PRPSAP1: variants seen among roughly 807,000 people sequenced by gnomAD.
PRPSAP1 encodes the protein phosphoribosyl pyrophosphate synthase-associated protein 1.
PRPSAP1 carries 31 observed loss-of-function variants against 39.4 expected under a neutral mutation model. The ratio of observed to expected loss-of-function variants is 0.79; its 90% CI spans 0.59 to 1.06. PRPSAP1 has a LOEUF of 1.06. PRPSAP1 is among the 50% of genes least tolerant of loss of function. PRPSAP1 has a pLI of 0.00. For missense variants in PRPSAP1, 430 were observed against 511.6 expected (o/e 0.84, Z 1.54); for synonymous variants, 212 against 192.6 (o/e 1.10, Z -0.83).
chr17:76,327,217 G>A (rs535787629), intron 7 of PRPSAP1, among the ~76,000 whole-genome samples: 1 of 152,050 alleles, frequency 6.6e-6, no homozygotes, highest in Non-Finnish European at 1.5e-5. Flanking sequence ...GTGTGGTGGT[G>A]TGTGCCTGAA....
intron 7 of PRPSAP1, among the ~76,000 whole-genome samples, chr17:76,318,692 TAAAG>T (rs1020727614): frequency 4.6e-5 from 7 of 152,010 alleles, no homozygotes; most frequent in Non-Finnish European, 1.0e-4. Flanking sequence ...CTAAGCCTAT[TAAAG>T]AGAGTCACAG....
At chr17:76,349,724 G>A (rs1173079084) in intron 1 of PRPSAP1, among the ~76,000 whole-genome samples, 6 of 151,770 alleles carry the variant, frequency 4.0e-5, no homozygotes, top group Admixed American at 6.6e-5. Flanking sequence ...TCACACCATC[G>A]CACTCCAGCC....
At chr17:76,339,027 C>T (rs776335099) in intron 3 of PRPSAP1, among the ~76,000 whole-genome samples, 65 of 150,950 alleles carry the variant, frequency 4.3e-4, no homozygotes, top group African/African-American at 1.5e-3. Context: ...GAAAGAAACT[C>T]GTCTCAAAAA....
intron 7 of PRPSAP1, among the ~76,000 whole-genome samples, chr17:76,315,679 G>A (rs771931476): frequency 1.5e-4 from 20 of 136,380 alleles, no homozygotes; most frequent in Non-Finnish European, 2.5e-4. Flanking sequence ...ATGTAAACAC[G>A]CAGTTATGTT....
intron 7 of PRPSAP1, among the ~76,000 whole-genome samples, chr17:76,324,905 C>CAA (rs775094160): frequency 3.1e-5 from 4 of 130,588 alleles, no homozygotes; most frequent in Non-Finnish European, 3.3e-5. Context: ...ACTAAAAATA[C>CAA]AAAAAAAAAA....
intron 1 of PRPSAP1, among the ~76,000 whole-genome samples, chr17:76,349,245 G>T (rs902787911): frequency 1.1e-4 from 17 of 151,458 alleles, no homozygotes; most frequent in Non-Finnish European, 2.4e-4. Flanking sequence ...CGGAGGTTGT[G>T]GTGAGCCGAG....
At chr17:76,330,286 A>C (rs1186703230) in intron 5 of PRPSAP1, 188 bp from the exon 6 acceptor site, 10 of 593,904 alleles carry the variant, frequency 1.7e-5, no homozygotes, top group Non-Finnish European at 2.9e-5. Context: ...TCCTACGTCA[A>C]GAATTTTTTA....
At chr17:76,334,533 A>G (rs58840406) in intron 3 of PRPSAP1, among the ~76,000 whole-genome samples, 460 of 152,230 alleles carry the variant, frequency 3.0e-3, no homozygotes, top group African/African-American at 0.01. Flanking sequence ...TTATTCTGAC[A>G]ATGTTTTCCA....
chr17:76,345,998 C>T, intron 2 of PRPSAP1: 2 of 469,732 alleles, frequency 4.3e-6, no homozygotes, highest in Admixed American at 2.4e-5. Context: ...AGAGAAGGTA[C>T]CCAAGGGAAA....
intron 3 of PRPSAP1, among the ~76,000 whole-genome samples, chr17:76,337,769 T>C (rs1445966827): frequency 6.6e-6 from 1 of 152,036 alleles, no homozygotes; most frequent in Non-Finnish European, 1.5e-5. Context: ...CCATGCCTGG[T>C]TAATTTTTTG....
chr17:76,335,744 T>C (rs922093653), intron 3 of PRPSAP1, among the ~76,000 whole-genome samples: 2 of 152,186 alleles, frequency 1.3e-5, no homozygotes, highest in Non-Finnish European at 2.9e-5. Context: ...CCCAGCACTT[T>C]GAGAGGCCAA....
In PRPSAP1 at chr17:76,353,852, C is replaced by G; in HGVS notation, c.-149G>C. ...CCGAGGTCCGTGCCCTTGCGCACCC[C>G]ACACCACTGACTACAGCGGCCGAGC... On this transcript the variant is annotated 5_prime_UTR_variant, in exon 1 of 10. Transcript: ENST00000446526. 1 of 1,366,062 alleles carries G rather than the reference C, an allele frequency of 7.3e-7. No homozygotes were observed. The highest frequency in any genetic ancestry group is 1.7e-5 in the South Asian group (1 of 58,418). 84.6% of individuals were successfully genotyped at this position (1,366,062 alleles called of 1,614,324 possible).
At chr17:76,322,896 A>AG (rs2071212633) in intron 7 of PRPSAP1, among the ~76,000 whole-genome samples, 1 of 151,960 alleles carries the variant, frequency 6.6e-6, no homozygotes, top group African/African-American at 2.4e-5. Flanking sequence ...CAGGAGGCTG[A>AG]GGTGGGAGGA....
At chr17:76,330,184 A>G in intron 5 of PRPSAP1, 86 bp from the exon 6 acceptor site, 1 of 1,246,280 alleles carries the variant, frequency 8.0e-7, no homozygotes, top group Non-Finnish European at 1.2e-6. Flanking sequence ...CCCTCTTATA[A>G]TGATCCAAAC....
In PRPSAP1 at chr17:76,311,319, G is replaced by A. The variant is rs184269458; in HGVS notation, c.*223C>T. On this transcript the variant is annotated 3_prime_UTR_variant, in exon 10 of 10. Coordinates refer to ENST00000446526, the MANE Select transcript of PRPSAP1 (RefSeq NM_002766.3). Reference sequence around the variant, plus strand: ...AGCAGCTAGAACTTTTAAGGAACAGGGCTGATGACAGCAGACATGTAAGGC... The same window carrying A: ...AGCAGCTAGAACTTTTAAGGAACAGAGCTGATGACAGCAGACATGTAAGGC... 32 of 437,104 alleles carry A rather than the reference G, an allele frequency of 7.3e-5. No individual in the cohort carries two copies. The Middle Eastern group carries it at 2.4e-3, about 33-fold the overall frequency. 27.1% of individuals were successfully genotyped at this position (437,104 alleles called of 1,614,324 possible).
At chr17:76,347,600 T>A (rs953651438) in intron 2 of PRPSAP1, among the ~76,000 whole-genome samples, 1 of 151,834 alleles carries the variant, frequency 6.6e-6, no homozygotes, top group East Asian at 1.9e-4. Context: ...TTTCATTTCT[T>A]ACTCGCTGAA....
At chr17:76,348,246 TA>T (rs2071531535) in intron 2 of PRPSAP1, among the ~76,000 whole-genome samples, 1 of 151,654 alleles carries the variant, frequency 6.6e-6, no homozygotes, top group African/African-American at 2.4e-5. Flanking sequence ...GCCGAGGCAA[TA>T]GGGTCCCCTG....
intron 4 of PRPSAP1, 29 bp downstream of exon 4, chr17:76,332,234 G>A: frequency 5.6e-6 from 9 of 1,608,664 alleles, no homozygotes; most frequent in Non-Finnish European, 7.6e-6. Context: ...GGATCATGCT[G>A]GAACCCCAGG....
chr17:76,344,612 TAATC>T (rs2071476144), intron 3 of PRPSAP1, 55 bp downstream of exon 3: 1 of 1,305,224 alleles, frequency 7.7e-7, no homozygotes, highest in African/African-American at 1.5e-5. Flanking sequence ...TATGAAAAGA[TAATC>T]AATTATATTG....
Sources: allele counts gnomAD v4.1 joint callset (sites outside exome capture counted in the v4.1 genomes callset), GRCh38; gene constraint gnomAD v4.1.1; transcripts MANE v1.5; gene names NCBI Gene and HGNC (gene_info 2026-07-23, HGNC 2026-07-21).